The following TTC8 variants were observed in gnomAD, a reference collection of about 807,000 sequenced individuals.
TTC8 encodes the protein tetratricopeptide repeat domain 8.
In TTC8, 47 loss-of-function variants were observed where a neutral mutation model predicts 72.5. The ratio of observed to expected loss-of-function variants is 0.65; its 90% CI spans 0.51 to 0.83. The LOEUF (loss-of-function observed/expected upper bound fraction) is 0.83, where lower values mean the gene tolerates loss of function less well. Among genes scored for constraint, TTC8 ranks in the 40% least tolerant of loss-of-function variants. The probability of loss-of-function intolerance (pLI) is 0.00; values close to 1 mark genes in which losing one functional copy is unlikely to be tolerated. For missense variants in TTC8, 611 were observed against 623.2 expected (o/e 0.98, Z 0.21); for synonymous variants, 199 against 221.4 (o/e 0.90, Z 0.90).
chr14:88,852,847 T>G, intron 7 of TTC8, 124 bp from the exon 8 acceptor site: 1 of 841,624 alleles, frequency 1.2e-6, no homozygotes, highest in Admixed American at 2.1e-5. Context: ...CAACTTGAGT[T>G]TCTGTCGGAT....
chr14:88,838,806 A>G (rs753758376), intron 2 of TTC8, among the ~76,000 whole-genome samples: 1 of 152,224 alleles, frequency 6.6e-6, no homozygotes, highest in Non-Finnish European at 1.5e-5. Context: ...TCTACTGACT[A>G]GATCACAAAG....
chr14:88,872,146 T>C (rs1016304632), intron 12 of TTC8, among the ~76,000 whole-genome samples, 184 bp from the exon 13 acceptor site: 19 of 152,228 alleles, frequency 1.2e-4, no homozygotes, highest in Non-Finnish European at 1.9e-4. Flanking sequence ...TAGAAGTTTC[T>C]GGGAGTCATT....
chr14:88,853,966 A>T (rs1022897202), intron 8 of TTC8, among the ~76,000 whole-genome samples: 2 of 152,180 alleles, frequency 1.3e-5, no homozygotes, highest in Admixed American at 1.3e-4. Context: ...TTCAGTTGTC[A>T]TTCAAGTACT....
At chr14:88,824,614 C>A (rs978264724), upstream of TTC8, 7 of 1,023,474 alleles carry the variant, frequency 6.8e-6, no homozygotes, top group Non-Finnish European at 1.0e-5. Context: ...CCAGCCGTCG[C>A]GGGTTGCCGG....
chr14:88,877,134 C>T (rs1298404043), intron 14 of TTC8, among the ~76,000 whole-genome samples, 160 bp from the exon 15 acceptor site: 4 of 151,268 alleles, frequency 2.6e-5, no homozygotes, highest in Admixed American at 2.6e-4. Flanking sequence ...CTTTAAGAAC[C>T]CTTTGAGTTA....
At chr14:88,851,217 T>C (rs192301492) in intron 7 of TTC8, among the ~76,000 whole-genome samples, 29 of 152,270 alleles carry the variant, frequency 1.9e-4, no homozygotes, top group Admixed American at 1.9e-3. Flanking sequence ...TAGAAAGGAT[T>C]TGGGGCAAGA....
chr14:88,843,361 A>G (rs1220652365), intron 6 of TTC8, among the ~76,000 whole-genome samples: 1 of 152,216 alleles, frequency 6.6e-6, no homozygotes, highest in African/African-American at 2.4e-5. Context: ...TGAATACCAT[A>G]TAAGGAAAAA....
intron 1 of TTC8, chr14:88,831,140 C>T (rs1448169743): frequency 4.7e-5 from 11 of 232,200 alleles, no homozygotes; most frequent in African/African-American, 1.6e-4. Flanking sequence ...GCAAGGAAAG[C>T]GACCCCTCGC....
intron 6 of TTC8, 34 bp from the exon 7 acceptor site, chr14:88,843,772 A>AG: frequency 6.5e-7 from 1 of 1,541,310 alleles, no homozygotes; most frequent in East Asian, 2.3e-5. Flanking sequence ...AAAAAAAAAA[A>AG]TCTAACGTAT....
chr14:88,851,267 T>C (rs1334359955), intron 7 of TTC8, among the ~76,000 whole-genome samples: 1 of 152,194 alleles, frequency 6.6e-6, no homozygotes, highest in Non-Finnish European at 1.5e-5. Context: ...AGCCTGAGTC[T>C]TCATCATTAT....
intron 9 of TTC8, among the ~76,000 whole-genome samples, chr14:88,858,616 A>G (rs1190394138): frequency 6.6e-6 from 1 of 151,468 alleles, no homozygotes; most frequent in Non-Finnish European, 1.5e-5. Context: ...TTTTCTGAGT[A>G]GGGGTGTCAC....
At chr14:88,843,171 G>A (rs1355685749) in intron 6 of TTC8, among the ~76,000 whole-genome samples, 4 of 152,182 alleles carry the variant, frequency 2.6e-5, no homozygotes. Context: ...AGCCCTGGCT[G>A]TACATGAGAG....
chr14:88,875,210 TGAAA>T (rs2094952386), intron 14 of TTC8, 101 bp downstream of exon 14: 1 of 982,210 alleles, frequency 1.0e-6, no homozygotes, highest in African/African-American at 1.6e-5. Context: ...CTCATCTTCC[TGAAA>T]GAAATGACTT....
chr14:88,869,835 T>G (rs2094926253), intron 10 of TTC8, among the ~76,000 whole-genome samples: 1 of 152,172 alleles, frequency 6.6e-6, no homozygotes, highest in African/African-American at 2.4e-5. Context: ...TAACCTTCTC[T>G]TATATTACAT....
At chr14:88,846,709 A>G in intron 7 of TTC8, 1 of 1,119,358 alleles carries the variant, frequency 8.9e-7, no homozygotes. Context: ...TGCACTTAAT[A>G]TTCTAAAGAT....
At chr14:88,868,444 G>A (rs185134969) in intron 10 of TTC8, among the ~76,000 whole-genome samples, 16 of 152,270 alleles carry the variant, frequency 1.1e-4, no homozygotes, top group African/African-American at 3.8e-4. Flanking sequence ...GGAAACATGG[G>A]AAGCTAAGAA....
intron 9 of TTC8, among the ~76,000 whole-genome samples, chr14:88,859,820 T>A (rs960645716): frequency 8.5e-6 from 1 of 118,342 alleles, no homozygotes; most frequent in Non-Finnish European, 1.8e-5. Flanking sequence ...TAAGATTATA[T>A]AATTATAAAC....
chr14:88,836,231 C>T (rs1224476804), intron 2 of TTC8, among the ~76,000 whole-genome samples: 23 of 152,064 alleles, frequency 1.5e-4, no homozygotes. Context: ...TGGCTCACAC[C>T]TGTAAACGCA....
Position 88,824,674 on chromosome 14 carries a change from G to C in TTC8, c.-34G>C, listed in dbSNP as rs541248878. On this transcript the variant is annotated 5_prime_UTR_variant, in exon 1 of 15. Transcript: ENST00000380656. ...TCACTCCACGCCCACCTCTCTCCTG[G>C]AGCGCTGGGCCTTCGCTGGCCGCAC... 14 of 1,551,228 alleles carry C rather than the reference G, an allele frequency of 9.0e-6. No individual in the cohort carries two copies. The highest frequency in any genetic ancestry group is 3.5e-5 in the South Asian group (3 of 85,788).
Sources: gnomAD v4.1 joint callset for allele counts (sites outside exome capture counted in the v4.1 genomes callset) on GRCh38, gnomAD v4.1.1 for gene constraint, MANE v1.5 for transcripts, NCBI Gene and HGNC (gene_info 2026-07-23, HGNC 2026-07-21) for gene names.